Variants in SEMA4D observed in about 807,000 individuals in gnomAD.
The protein encoded by SEMA4D is semaphorin 4D.
In SEMA4D, 22 loss-of-function variants were observed where a neutral mutation model predicts 74.8. That is an observed-to-expected ratio of 0.29 (90% CI 0.21 to 0.42). The LOEUF is 0.42. SEMA4D is among the 10% of genes least tolerant of loss of function. The probability of loss-of-function intolerance (pLI) is 1.00; values close to 1 mark genes in which losing one functional copy is unlikely to be tolerated. For missense variants in SEMA4D, 937 were observed against 1,118.4 expected, an observed-to-expected ratio of 0.84 and a Z score of 2.31; for synonymous variants, 445 against 463.7, an observed-to-expected ratio of 0.96 and a Z score of 0.52.
chr9:89,442,414 T>C (rs1249429149), intron 2 of SEMA4D, among the ~76,000 whole-genome samples: 2 of 152,004 alleles, frequency 1.3e-5, no homozygotes, highest in Non-Finnish European at 2.9e-5. Context: ...AATACGGACC[T>C]CATTAGTTAA....
At chr9:89,453,642 C>T (rs910158396) in intron 2 of SEMA4D, among the ~76,000 whole-genome samples, 1 of 152,138 alleles carries the variant, frequency 6.6e-6, no homozygotes, top group Non-Finnish European at 1.5e-5. Context: ...GCTGGGTGGA[C>T]ACACAGCCCT....
At chr9:89,421,187 A>G (rs1423832937) in intron 2 of SEMA4D, among the ~76,000 whole-genome samples, 1 of 152,208 alleles carries the variant, frequency 6.6e-6, no homozygotes, top group Non-Finnish European at 1.5e-5. Flanking sequence ...GTGGACGGGG[A>G]GAGGGCCGTG....
intron 2 of SEMA4D, among the ~76,000 whole-genome samples, chr9:89,444,404 TC>T (rs1309756891): frequency 6.6e-6 from 1 of 152,116 alleles, no homozygotes; most frequent in Non-Finnish European, 1.5e-5. Flanking sequence ...AGGGGACTCC[TC>T]CCAGCTATCA....
chr9:89,458,543 C>T (rs1856498466), intron 1 of SEMA4D, among the ~76,000 whole-genome samples: 1 of 152,006 alleles, frequency 6.6e-6, no homozygotes, highest in African/African-American at 2.4e-5. Context: ...CATGCACACA[C>T]CCATCCAAGC....
At chr9:89,397,610 T>C (rs933006295) in intron 5 of SEMA4D, among the ~76,000 whole-genome samples, 2 of 152,262 alleles carry the variant, frequency 1.3e-5, no homozygotes, top group Non-Finnish European at 2.9e-5. Flanking sequence ...AGTTCTCTTT[T>C]TTAGACTGGT....
intron 2 of SEMA4D, among the ~76,000 whole-genome samples, chr9:89,423,563 T>C (rs1017930658): frequency 6.6e-6 from 1 of 152,160 alleles, no homozygotes. Context: ...CCCCCAACTA[T>C]GGAGGAAGCA....
intron 16 of SEMA4D, among the ~76,000 whole-genome samples, chr9:89,366,828 G>A (rs1564486004): frequency 6.6e-6 from 1 of 152,186 alleles, no homozygotes; most frequent in Non-Finnish European, 1.5e-5. Context: ...CCTCCCTCAT[G>A]TGACCTGCAC....
At chr9:89,373,929 C>T (rs1835447165), downstream of SEMA4D, among the ~76,000 whole-genome samples, 1 of 152,224 alleles carries the variant, frequency 6.6e-6, no homozygotes, top group Non-Finnish European at 1.5e-5. Flanking sequence ...CCCAACAGAA[C>T]CCTGGAGCCT....
At chr9:89,474,598 A>G (rs1861302596) in intron 1 of SEMA4D, among the ~76,000 whole-genome samples, 1 of 152,170 alleles carries the variant, frequency 6.6e-6, no homozygotes, top group African/African-American at 2.4e-5. Context: ...CAGTGTGTAC[A>G]CTTCATTATC....
chr9:89,491,943 C>A (rs896417374), intron 1 of SEMA4D, among the ~76,000 whole-genome samples: 3 of 152,106 alleles, frequency 2.0e-5, no homozygotes, highest in Non-Finnish European at 4.4e-5. Flanking sequence ...AAAGGGGCGG[C>A]CCCAGCCAGT....
At chr9:89,487,754 T>C (rs1422229691) in intron 1 of SEMA4D, among the ~76,000 whole-genome samples, 1 of 152,134 alleles carries the variant, frequency 6.6e-6, no homozygotes, top group Non-Finnish European at 1.5e-5. Flanking sequence ...ATTTTTAAAA[T>C]CCATGTATAA....
At chr9:89,459,741 C>T (rs1856793909) in intron 1 of SEMA4D, among the ~76,000 whole-genome samples, 4 of 152,164 alleles carry the variant, frequency 2.6e-5, no homozygotes, top group Admixed American at 2.6e-4. Context: ...GCTCAAATGC[C>T]ACCTACCTAG....
chr9:89,453,639 G>A (rs928132250), intron 2 of SEMA4D, among the ~76,000 whole-genome samples: 2 of 152,128 alleles, frequency 1.3e-5, no homozygotes, highest in African/African-American at 4.8e-5. Context: ...CTCGCTGGGT[G>A]GACACACAGC....
In SEMA4D at chr9:89,484,123, G is replaced by A. The variant is rs552252915; in HGVS notation, c.-310+13796C>T. ...GGCTTCCGGGCTCCCCCAGGAACTG[G>A]AGCCTTAAAGAGGACGCCGCGGCCA... On this transcript the variant is annotated intron_variant, in intron 1 of 15. Transcript: ENST00000422704. The surrounding 1 kb of genome is among the most constrained non-coding windows in gnomAD (Gnocchi z 4.1). Among the ~76,000 whole-genome samples, 4 of 152,370 alleles carry A rather than the reference G, an allele frequency of 2.6e-5. No individual in the cohort carries two copies. Among genetic ancestry groups the A allele is most frequent in the Admixed American group, 1.3e-4 (2 of 15,308 alleles).
intron 16 of SEMA4D, chr9:89,369,176 G>A (rs547984995): frequency 6.6e-6 from 1 of 152,372 alleles, no homozygotes; most frequent in African/African-American, 2.4e-5. Context: ...AAAGGGAAAT[G>A]TCACAGAGCA....
At chr9:89,362,611 G>A (rs187729273) in intron 18 of SEMA4D, among the ~76,000 whole-genome samples, 2 of 152,346 alleles carry the variant, frequency 1.3e-5, no homozygotes, top group African/African-American at 4.8e-5. Context: ...TATGTGACAG[G>A]AAGGCAGAGC....
intron 9 of SEMA4D, among the ~76,000 whole-genome samples, chr9:89,390,106 C>G (rs1024680310): frequency 6.6e-6 from 1 of 152,198 alleles, no homozygotes; most frequent in Non-Finnish European, 1.5e-5. Flanking sequence ...GCTCACTGAT[C>G]CTGCTGCAAA....
rs981669634 is a variant in SEMA4D, at chr9:89,386,280, C to T, written c.1446+87G>A. On this transcript the variant is annotated intron_variant, in intron 13 of 15. Coordinates refer to ENST00000422704, the MANE Select transcript of SEMA4D (RefSeq NM_001371194.2). The stretch of plus-strand genomic sequence containing the variant: ...AGACAGAGGGGCCTGCCCAGGAGCC[C>T]GACTCCAGCTTGCCAACTCTCCTGT... 1.4e-5 allele frequency: 16 copies of T among 1,151,782 alleles called. No homozygotes were observed. In the East Asian group the frequency reaches 1.7e-4, roughly 13 times the overall value. 71.3% of individuals were successfully genotyped at this position (1,151,782 alleles called of 1,614,324 possible).
At position 89,405,468 on chromosome 9, in the gene SEMA4D, G is replaced by T. The variant is rs761503458; in HGVS notation, c.-12C>A. Reference sequence around the variant, plus strand: ...GTGCACATCCTCATCAGGTAGAGGCGACCCCAGGGGCTTCAGCAGCAAAGG... The same window carrying T: ...GTGCACATCCTCATCAGGTAGAGGCTACCCCAGGGGCTTCAGCAGCAAAGG... On this transcript the variant is annotated 5_prime_UTR_variant, in exon 3 of 16. Coordinates refer to ENST00000422704, the MANE Select transcript of SEMA4D (RefSeq NM_001371194.2). 6 of 1,612,568 alleles carry T rather than the reference G, an allele frequency of 3.7e-6. No individual in the cohort carries two copies. The highest frequency in any genetic ancestry group is 4.2e-6 in the Non-Finnish European group (5 of 1,179,924).
Sources: gnomAD v4.1 joint callset for allele counts (sites outside exome capture counted in the v4.1 genomes callset) on GRCh38, gnomAD v4.1.1 for gene constraint, Gnocchi (gnomAD v3.1) non-coding constraint, MANE v1.5 for transcripts, NCBI Gene and HGNC (gene_info 2026-07-23, HGNC 2026-07-21) for gene names.